Variants in OR2L13 observed in about 807,000 individuals in gnomAD.
OR2L13 encodes the protein olfactory receptor 2L13.
A neutral mutation model predicts 15.3 loss-of-function variants in OR2L13; 14 were observed. The ratio of observed to expected loss-of-function variants is 0.91; its 90% confidence interval spans 0.60 to 1.43. The LOEUF is 1.43. Ranked by LOEUF, OR2L13 falls within the 40% of genes most tolerant of loss-of-function variation. The probability of loss-of-function intolerance (pLI) is 0.00; values close to 1 mark genes in which losing one functional copy is unlikely to be tolerated. For synonymous variants in OR2L13, 152 were observed against 142.9 expected, an observed-to-expected ratio of 1.06 and a Z score of -0.45; for missense variants, 367 against 387.9, an observed-to-expected ratio of 0.95 and a Z score of 0.45.
At chr1:247,943,862 A>G in the OR2L13 span, among the ~76,000 whole-genome samples, 4 of 152,126 alleles carry the variant, frequency 2.6e-5, no homozygotes, top group Non-Finnish European at 1.5e-5. Context: ...ATTTTTCTAT[A>G]TACTATAAAG....
At chr1:247,955,580 TC>T in the OR2L13 span, among the ~76,000 whole-genome samples, 1 of 151,488 alleles carries the variant, frequency 6.6e-6, no homozygotes, top group Non-Finnish European at 1.5e-5. Flanking sequence ...GTAAAAGTGT[TC>T]CTATTTCTCC....
the OR2L13 span, chr1:248,061,316 C>G: frequency 6.9e-3 from 10,654 of 1,539,460 alleles, 492 homozygotes; most frequent in African/African-American, 0.12. Context: ...CCCTTCATTG[C>G]TATTTCATGT....
the OR2L13 span, among the ~76,000 whole-genome samples, chr1:248,067,663 C>T: frequency 6.6e-6 from 1 of 152,218 alleles, no homozygotes; most frequent in Non-Finnish European, 1.5e-5. Context: ...GGGTGCAGCG[C>T]ACCGTGTGCG....
At chr1:248,083,636 T>A in the OR2L13 span, 2 of 1,438,922 alleles carry the variant, frequency 1.4e-6, no homozygotes, top group Non-Finnish European at 2.0e-6. Context: ...CACTAGATCA[T>A]CTTGACCTGT....
At chr1:247,992,062 C>T in the OR2L13 span, among the ~76,000 whole-genome samples, 9 of 149,052 alleles carry the variant, frequency 6.0e-5, 1 homozygote, top group Admixed American at 4.6e-4. Context: ...GGTTTTTTTT[C>T]TGCCTCTGCC....
the OR2L13 span, among the ~76,000 whole-genome samples, chr1:248,029,820 C>G: frequency 6.6e-6 from 1 of 152,144 alleles, no homozygotes; most frequent in African/African-American, 2.4e-5. Flanking sequence ...AAAACATTGA[C>G]ATAATGTGAA....
chr1:248,067,460 T>G, the OR2L13 span, among the ~76,000 whole-genome samples: 1 of 152,244 alleles, frequency 6.6e-6, no homozygotes, highest in African/African-American at 2.4e-5. Flanking sequence ...TTGCTCATAT[T>G]ATTCTTTTTG....
chr1:248,049,384 T>C, the OR2L13 span, among the ~76,000 whole-genome samples: 1 of 152,234 alleles, frequency 6.6e-6, no homozygotes, highest in Non-Finnish European at 1.5e-5. Context: ...CATTTGAAAC[T>C]TGGGCAGCAT....
At chr1:248,040,399 T>C in the OR2L13 span, 2 of 152,220 alleles carry the variant, frequency 1.3e-5, no homozygotes, top group Non-Finnish European at 2.9e-5. Context: ...CAGTGGTGAA[T>C]GACTGAATGG....
chr1:247,984,075 C>G, the OR2L13 span, among the ~76,000 whole-genome samples: 1 of 151,982 alleles, frequency 6.6e-6, no homozygotes, highest in African/African-American at 2.4e-5. Flanking sequence ...TTGAGGGTGC[C>G]TGATTTGCTT....
chr1:247,953,882 A>C, the OR2L13 span, among the ~76,000 whole-genome samples: 1 of 151,988 alleles, frequency 6.6e-6, no homozygotes, highest in African/African-American at 2.4e-5. Context: ...TTACACCCCC[A>C]TATACCTCCT....
the OR2L13 span, among the ~76,000 whole-genome samples, chr1:247,984,014 G>A: frequency 6.6e-6 from 1 of 152,008 alleles, no homozygotes; most frequent in Non-Finnish European, 1.5e-5. Flanking sequence ...TGGCACCATC[G>A]CAGGCAGAGC....
the OR2L13 span, among the ~76,000 whole-genome samples, chr1:248,026,958 G>A: frequency 3.3e-5 from 5 of 152,306 alleles, no homozygotes; most frequent in African/African-American, 1.2e-4. Context: ...AAAAAGAACA[G>A]GATAACAGCA....
At chr1:248,078,852 T>TA in the OR2L13 span, among the ~76,000 whole-genome samples, 6 of 149,560 alleles carry the variant, frequency 4.0e-5, no homozygotes, top group South Asian at 6.3e-4. Context: ...TTGTACTTTG[T>TA]AAAAAAAAGA....
the OR2L13 span, among the ~76,000 whole-genome samples, chr1:248,064,103 T>G: frequency 6.6e-6 from 1 of 152,166 alleles, no homozygotes; most frequent in Non-Finnish European, 1.5e-5. Flanking sequence ...GATCATGCAG[T>G]CTAGGATAGT....
chr1:248,077,713 A>G, the OR2L13 span, among the ~76,000 whole-genome samples: 30 of 152,326 alleles, frequency 2.0e-4, no homozygotes, highest in African/African-American at 6.3e-4. Flanking sequence ...ATGAAAATTA[A>G]AAACTTCTGT....
the OR2L13 span, chr1:247,948,772 G>A: frequency 1.8e-6 from 2 of 1,108,888 alleles, no homozygotes; most frequent in South Asian, 3.0e-5. Flanking sequence ...GGGGGGGCTT[G>A]GAATGCATCC....
the OR2L13 span, chr1:248,083,615 G>C: frequency 1.7e-4 from 228 of 1,335,870 alleles, 2 homozygotes; most frequent in African/African-American, 2.6e-3. Flanking sequence ...CAGGAACTTA[G>C]AGTCATTTGA....
At chr1:248,044,036 A>G in the OR2L13 span, among the ~76,000 whole-genome samples, 7 of 152,194 alleles carry the variant, frequency 4.6e-5, no homozygotes, top group Non-Finnish European at 1.0e-4. Flanking sequence ...TTAGCCGTAA[A>G]CATCTAAAGG....
Sources: gnomAD v4.1 joint callset for allele counts (sites outside exome capture counted in the v4.1 genomes callset) on GRCh38, gnomAD v4.1.1 for gene constraint, MANE v1.5 for transcripts, NCBI Gene and HGNC (gene_info 2026-07-23, HGNC 2026-07-21) for gene names.